Variants in SIL1 observed in about 807,000 individuals in gnomAD.
SIL1 encodes SIL1 nucleotide exchange factor.
Under a neutral mutation model 49.1 loss-of-function variants are expected in SIL1, and 40 were observed. The ratio of observed to expected loss-of-function variants is 0.81; its 90% confidence interval spans 0.63 to 1.06. The LOEUF (loss-of-function observed/expected upper bound fraction) is 1.06, where lower values mean the gene tolerates loss of function less well. SIL1 is among the 50% of genes least tolerant of loss of function. The pLI is 0.00. For missense variants in SIL1, 500 were observed against 572.6 expected (o/e 0.87, Z 1.29); for synonymous variants, 253 against 250.8 (o/e 1.01, Z -0.08).
chr5:139,137,350 C>T (rs984439134), intron 1 of SIL1: 1 of 698,574 alleles, frequency 1.4e-6, no homozygotes, highest in South Asian at 1.5e-5. Flanking sequence ...CATGCAGCCA[C>T]AGAGCAGTAG....
intron 7 of SIL1, among the ~76,000 whole-genome samples, chr5:138,996,588 C>T (rs1353500224): frequency 5.0e-5 from 7 of 140,724 alleles, no homozygotes; most frequent in African/African-American, 1.7e-4. Context: ...GGTGCAATCT[C>T]GGCTTACTGC....
chr5:139,185,795 G>A (rs1752068432), intron 1 of SIL1, among the ~76,000 whole-genome samples: 1 of 152,200 alleles, frequency 6.6e-6, no homozygotes, highest in Admixed American at 6.5e-5. Flanking sequence ...GACCTAGAAG[G>A]TGATGCCAGG....
chr5:138,951,652 A>C lies in SIL1; in HGVS notation c.864+136T>G, dbSNP rs1376482120. 1.2e-5 allele frequency: 10 copies of C among 868,332 alleles called. No individual in the cohort carries two copies. In the South Asian group the frequency reaches 1.4e-4, roughly 12 times the overall value. The allele number at this position is 868,332 out of a possible 1,614,324, so 53.8% of individuals were successfully genotyped here. On this transcript the variant is annotated intron_variant, in intron 8 of 9. Transcript: ENST00000394817. ...CTGCCATCTGCTTTAGTTGAGTGTA[A>C]CTTCTCCCCCTGTGCCACCCAGCAG...
At chr5:139,169,833 C>CT (rs1561888472) in intron 1 of SIL1, among the ~76,000 whole-genome samples, 22 of 151,902 alleles carry the variant, frequency 1.4e-4, no homozygotes, top group Non-Finnish European at 2.5e-4. Flanking sequence ...TCCCCTCTCC[C>CT]CTCTCCCTCT....
At chr5:139,102,396 AT>A (rs1446732765) in intron 3 of SIL1, among the ~76,000 whole-genome samples, 1 of 147,086 alleles carries the variant, frequency 6.8e-6, no homozygotes, top group Non-Finnish European at 1.5e-5. Context: ...GATTTGGGTG[AT>A]TTTGTTGTTG....
At chr5:138,985,791 C>T (rs1767637323) in intron 7 of SIL1, among the ~76,000 whole-genome samples, 1 of 152,162 alleles carries the variant, frequency 6.6e-6, no homozygotes. Context: ...TGCATCACCT[C>T]CCACCCCATG....
intron 7 of SIL1, among the ~76,000 whole-genome samples, chr5:138,966,757 A>G (rs1767153337): frequency 6.6e-6 from 1 of 152,160 alleles, no homozygotes; most frequent in Non-Finnish European, 1.5e-5. Context: ...GGCAGACACC[A>G]TTACTCCCAT....
intron 1 of SIL1, among the ~76,000 whole-genome samples, chr5:139,182,501 A>C (rs1752008789): frequency 6.6e-6 from 1 of 152,206 alleles, no homozygotes; most frequent in Admixed American, 6.5e-5. Context: ...GACAAGAGCT[A>C]GAATCTAACT....
chr5:138,980,385 A>C (rs1767489526), intron 7 of SIL1, among the ~76,000 whole-genome samples: 1 of 152,154 alleles, frequency 6.6e-6, no homozygotes, highest in African/African-American at 2.4e-5. Context: ...AAAGTTGGCT[A>C]AGTGCTAAAA....
intron 1 of SIL1, among the ~76,000 whole-genome samples, chr5:139,195,192 A>G (rs1164163122): frequency 6.6e-6 from 1 of 152,030 alleles, no homozygotes; most frequent in African/African-American, 2.4e-5. Context: ...TCAGCCTCCC[A>G]AAGTGCTGGG....
chr5:139,141,125 C>T (rs1211863989), intron 1 of SIL1, among the ~76,000 whole-genome samples: 2 of 152,208 alleles, frequency 1.3e-5, no homozygotes, highest in African/African-American at 4.8e-5. Flanking sequence ...AGCTCTATTT[C>T]ATAGGCCTAT....
chr5:139,189,228 A>C (rs1752125890), intron 1 of SIL1, among the ~76,000 whole-genome samples: 1 of 152,214 alleles, frequency 6.6e-6, no homozygotes, highest in Non-Finnish European at 1.5e-5. Context: ...GTGAGCAGCA[A>C]GTGAGTGAGC....
At position 139,027,251 on chromosome 5, in the gene SIL1, T is replaced by C. The variant is rs535981907; in HGVS notation, c.454-259A>G. 2.0e-5 allele frequency among the ~76,000 whole-genome samples: 3 copies of C among 152,346 alleles called. No homozygotes were observed. The East Asian group carries it at 5.8e-4, about 29-fold the overall frequency. On this transcript the variant is annotated intron_variant, in intron 5 of 9. Coordinates refer to ENST00000394817, the MANE Select transcript of SIL1 (RefSeq NM_022464.5). Reference sequence around the variant, plus strand: ...GCTTATTCAAGTCCGATTTCCAATATTCAGGAAGAATAGAAAGGCTTTTTG... The same window carrying C: ...GCTTATTCAAGTCCGATTTCCAATACTCAGGAAGAATAGAAAGGCTTTTTG...
rs147852855 is a variant in SIL1 at position 139,118,155 on chromosome 5, G to A, written c.244+2880C>T. On this transcript the variant is annotated intron_variant, in intron 3 of 9. Transcript: ENST00000394817. Reference sequence around the variant, plus strand: ...AACACTCTGCTAACCCCTTTTGCTCGTGCTTACCCTTGCTCCTTGATCAAA... The same window carrying A: ...AACACTCTGCTAACCCCTTTTGCTCATGCTTACCCTTGCTCCTTGATCAAA... Among the ~76,000 whole-genome samples, 131 of 152,254 alleles carry A rather than the reference G, an allele frequency of 8.6e-4. 1 individual carries two copies. Among genetic ancestry groups the A allele is most frequent in the African/African-American group, 3.0e-3 (126 of 41,542 alleles).
intron 1 of SIL1, among the ~76,000 whole-genome samples, chr5:139,192,252 T>C (rs1752187823): frequency 6.6e-6 from 1 of 151,438 alleles, no homozygotes; most frequent in African/African-American, 2.4e-5. Context: ...CCATTGGCAT[T>C]AGCTTTCCTC....
intron 3 of SIL1, among the ~76,000 whole-genome samples, chr5:139,101,844 C>G (rs1387646685): frequency 1.3e-5 from 2 of 152,128 alleles, no homozygotes; most frequent in East Asian, 1.9e-4. Flanking sequence ...TTCTTGCTAC[C>G]CATCTCACCT....
intron 3 of SIL1, among the ~76,000 whole-genome samples, chr5:139,096,802 T>A (rs752228729): frequency 4.0e-5 from 6 of 151,814 alleles, no homozygotes; most frequent in Non-Finnish European, 2.9e-5. Flanking sequence ...TAACCAGCAA[T>A]GATGCCCAGG....
At chr5:139,171,113 C>T (rs1254439291) in intron 1 of SIL1, among the ~76,000 whole-genome samples, 1 of 151,784 alleles carries the variant, frequency 6.6e-6, no homozygotes, top group Admixed American at 6.5e-5. Context: ...GCCGCCCCGT[C>T]CGGGAGGTGA....
chr5:138,946,841 CCT>C lies in SIL1; in HGVS notation c.*274_*275del. 1 of 515,100 alleles carries C rather than the reference CCT, an allele frequency of 1.9e-6. No individual in the cohort carries two copies. The highest frequency in any genetic ancestry group is 3.5e-6 in the Non-Finnish European group (1 of 282,408). 31.9% of individuals were successfully genotyped at this position (515,100 alleles called of 1,614,324 possible). ...TGGTAAGAAGCAGAGACTTGCAACT[CCT>C]GGGCCCAGGTTCCTGCCCTGGAGCC... is the stretch of plus-strand genomic sequence containing the variant. On this transcript the variant is annotated 3_prime_UTR_variant, in exon 10 of 10. Transcript: ENST00000394817.
Sources: allele counts gnomAD v4.1 joint callset (sites outside exome capture counted in the v4.1 genomes callset), GRCh38; gene constraint gnomAD v4.1.1; transcripts MANE v1.5; gene names NCBI Gene and HGNC (gene_info 2026-07-23, HGNC 2026-07-21).